The following CTSB variants were observed in gnomAD, a reference collection of about 807,000 sequenced individuals.
The protein encoded by CTSB is APP secretase.
Under a neutral mutation model 44.3 loss-of-function variants are expected in CTSB, and 57 were observed. That is an observed-to-expected ratio of 1.29 (90% CI 1.04 to 1.60). CTSB has a LOEUF of 1.60. Ranked by LOEUF, CTSB falls within the 40% of genes most tolerant of loss-of-function variation. CTSB has a pLI of 0.00. For missense variants in CTSB, 768 were observed against 443.0 expected (o/e 1.73, Z -6.59); for synonymous variants, 320 against 168.0 (o/e 1.91, Z -7.00).
At chr8:11,849,868 A>C (rs377467583) in intron 4 of CTSB, 3 of 152,158 alleles carry the variant, frequency 2.0e-5, no homozygotes, top group African/African-American at 4.8e-5. Flanking sequence ...GGCGTGAGCT[A>C]CCGTACCTGG....
In CTSB at chr8:11,865,567, G is replaced by A. The variant is rs554860819; in HGVS notation, c.-26+2434C>T. 7.2e-4 allele frequency: 108 copies of A among 150,750 alleles called. 1 individual carries two copies. The highest frequency in any genetic ancestry group is 2.6e-3 in the African/African-American group (107 of 40,768). 9.3% of individuals were successfully genotyped at this position (150,750 alleles called of 1,614,324 possible). Reference sequence around the variant, plus strand: ...CTTGCCACTGCACTCCAGCCTGGGTGAGAGAGTCAGACTCCACCTCAAAAA... The same window carrying A: ...CTTGCCACTGCACTCCAGCCTGGGTAAGAGAGTCAGACTCCACCTCAAAAA... On this transcript the variant is annotated intron_variant, in intron 1 of 9. Transcript: ENST00000353047.
intron 3 of CTSB, 124 bp from the exon 4 acceptor site, chr8:11,851,104 A>G (rs1195445744): frequency 3.7e-6 from 2 of 534,408 alleles, no homozygotes; most frequent in East Asian, 3.2e-5. Context: ...CATGCCGAAG[A>G]AGGCTGCAGA....
rs534192119 is a variant in CTSB at position 11,849,957 on chromosome 8, G to A, written c.328-793C>T. ...GTGATCCACTTGTATGAGGTCCCTA[G>A]GAGTCAAATTCATAGAGACAGAAAG... is the stretch of plus-strand genomic sequence containing the variant. On this transcript the variant is annotated intron_variant, in intron 4 of 9. Transcript: ENST00000353047. The A allele has an allele frequency of 1.1e-4, 17 of 152,440 alleles. No individual in the cohort carries two copies. The South Asian group carries it at 2.5e-3, about 22-fold the overall frequency. The allele number at this position is 152,440 out of a possible 1,614,324, so 9.4% of individuals were successfully genotyped here.
Position 11,847,068 on chromosome 8 carries a change from G to C in CTSB, c.777C>G (p.Phe259Leu). The change falls in exon 8 of 10, where the codon TTC (phenylalanine) becomes TTG (leucine). Residue 259 changes from phenylalanine (F) to leucine (L), a missense_variant. Physicochemically the swap from Phe to Leu is conservative, Grantham distance 22 (BLOSUM62 0). Coordinates refer to ENST00000353047, the MANE Select transcript of CTSB (RefSeq NM_001908.5). Reference sequence around the variant, plus strand: ...AGCACGCACCTGACTTGTAGAGCAGGAAGTCCGAATACACAGAGAAAGCTC... The same window carrying C: ...AGCACGCACCTGACTTGTAGAGCAGCAAGTCCGAATACACAGAGAAAGCTC... ...VEGAFSVYSDFLLYKSGVYQH... is the reference protein window; with the variant it reads ...VEGAFSVYSDLLLYKSGVYQH... The C allele has an allele frequency of 6.2e-7, 1 of 1,605,408 alleles. No homozygotes were observed. Among genetic ancestry groups the C allele is most frequent in the Non-Finnish European group, 8.5e-7 (1 of 1,172,078 alleles).
intron 5 of CTSB, chr8:11,848,720 T>C (rs1736090): frequency 0.57 from 167,210 of 293,404 alleles, 48,948 homozygotes; most frequent in Middle Eastern, 0.65. Flanking sequence ...CATAAGGAAA[T>C]GCCCCAAACT....
rs114981574 is a variant in CTSB, at chr8:11,847,857, C to T, written c.533-35G>A. 273 of 1,575,662 alleles carry T rather than the reference C, an allele frequency of 1.7e-4. No homozygotes were observed. In the African/African-American group the frequency reaches 3.4e-3, roughly 19 times the overall value. On this transcript the variant is annotated intron_variant, in intron 6 of 9. Transcript: ENST00000353047. Reference sequence around the variant, plus strand: ...CGCGGGAGAAAGCGGAGTCAACCTACAGCCCCCACGGAGAAGACCTGGGGC... The same window carrying T: ...CGCGGGAGAAAGCGGAGTCAACCTATAGCCCCCACGGAGAAGACCTGGGGC...
chr8:11,851,601 T>C (rs922079525), intron 3 of CTSB, among the ~76,000 whole-genome samples: 3 of 152,202 alleles, frequency 2.0e-5, no homozygotes, highest in African/African-American at 7.2e-5. Context: ...GTCCAGATAG[T>C]GTTTCTTGCC....
At chr8:11,859,204 C>T (rs1052273523) in intron 1 of CTSB, among the ~76,000 whole-genome samples, 2 of 152,098 alleles carry the variant, frequency 1.3e-5, no homozygotes, top group African/African-American at 4.8e-5. Flanking sequence ...TGAGAAAGCA[C>T]GCTCCACCCC....
intron 1 of CTSB, chr8:11,861,298 A>C (rs1311377072): frequency 6.6e-6 from 1 of 152,368 alleles, no homozygotes; most frequent in Admixed American, 6.5e-5. Flanking sequence ...AGTGATGCTC[A>C]CCAGCCTTGG....
rs1813224453 is a variant in CTSB, at chr8:11,845,872, C to T, written c.794-83G>A. 10 of 1,456,730 alleles carry T rather than the reference C, an allele frequency of 6.9e-6. No homozygotes were observed. In the South Asian group the frequency reaches 1.3e-4, roughly 19 times the overall value. 90.2% of individuals were successfully genotyped at this position (1,456,730 alleles called of 1,614,324 possible). A position where few individuals can be genotyped will look rare whatever the true frequency, so the allele number is the denominator to read the frequency against. Reference sequence around the variant, plus strand: ...CACCCCCCACACTCAGCTGGTCATGCTCCGGGAAGGAGAAACAGCTTCCAG... The same window carrying T: ...CACCCCCCACACTCAGCTGGTCATGTTCCGGGAAGGAGAAACAGCTTCCAG... On this transcript the variant is annotated intron_variant, in intron 8 of 9. Transcript: ENST00000353047.
rs573278579 is a variant in CTSB, at chr8:11,853,710, C to G, written c.-25-231G>C. 3 of 474,478 alleles carry G rather than the reference C, an allele frequency of 6.3e-6. No individual in the cohort carries two copies. In the East Asian group the frequency reaches 1.0e-4, roughly 17 times the overall value. The allele number at this position is 474,478 out of a possible 1,614,324, so 29.4% of individuals were successfully genotyped here. The stretch of plus-strand genomic sequence containing the variant: ...GGCGGCCAGAGCCCAGAGAGAGAGC[C>G]AAGGGGCTGTGCTGGACGAGACCGA... On this transcript the variant is annotated intron_variant, in intron 1 of 9. Transcript: ENST00000353047.
chr8:11,845,071 T>C lies in CTSB; in HGVS notation c.*54A>G. 1 of 1,179,510 alleles carries C rather than the reference T, an allele frequency of 8.5e-7. No individual in the cohort carries two copies. 73.1% of individuals were successfully genotyped at this position (1,179,510 alleles called of 1,614,324 possible). On this transcript the variant is annotated 3_prime_UTR_variant, in exon 10 of 10. Transcript: ENST00000353047. ...TCTTACGTGAACTTAAAGAATAAAA[T>C]GCATTTCTACCCCGATCTCGCCCCC...
In CTSB at chr8:11,845,844, C is replaced by T; in HGVS notation, c.794-55G>A. The T allele has an allele frequency of 2.0e-6, 3 of 1,533,844 alleles. No individual in the cohort carries two copies. In the South Asian group the frequency reaches 3.7e-5, roughly 19 times the overall value. On this transcript the variant is annotated intron_variant, in intron 8 of 9. Transcript: ENST00000353047. Reference sequence around the variant, plus strand: ...GACCGGGCCACTGTCCCACGCCCCACAGCACCCCCCACACTCAGCTGGTCA... The same window carrying T: ...GACCGGGCCACTGTCCCACGCCCCATAGCACCCCCCACACTCAGCTGGTCA...
intron 5 of CTSB, 167 bp from the exon 6 acceptor site, chr8:11,848,319 G>A (rs547052170): frequency 1.4e-6 from 1 of 699,922 alleles, no homozygotes; most frequent in South Asian, 1.5e-5. Flanking sequence ...ACGCTCCCTA[G>A]ATAAGCACAG....
chr8:11,852,138 T>C (rs1814704522), intron 3 of CTSB, among the ~76,000 whole-genome samples: 1 of 152,108 alleles, frequency 6.6e-6, no homozygotes, highest in South Asian at 2.1e-4. Context: ...GATGCCGAGT[T>C]GGGCAGATGA....
At chr8:11,853,105 A>G (rs1814893463) in intron 2 of CTSB, among the ~76,000 whole-genome samples, 1 of 152,224 alleles carries the variant, frequency 6.6e-6, no homozygotes, top group African/African-American at 2.4e-5. Context: ...GCACACAACC[A>G]TATATTCATA....
rs752205663 is a variant in CTSB at position 11,847,133 on chromosome 8, C to T, written c.712G>A (p.Asp238Asn). The change falls in exon 8 of 10, where the codon GAC (aspartate) becomes AAC (asparagine). Residue 238 changes from aspartate (D) to asparagine (N), a missense_variant. By Grantham distance (23) the Asp-to-Asn change is conservative. Transcript: ENST00000353047. ...NSYSVSNSEK[D>N]IMAEIYKNGP... ...TTTTTGTAGATCTCGGCCATGATGT[C>T]CTTCTCGCTATTGGAGACGCTGTAG... 3.5e-5 allele frequency: 57 copies of T among 1,605,828 alleles called. No homozygotes were observed. Among genetic ancestry groups the T allele is most frequent in the Non-Finnish European group, 4.6e-5 (54 of 1,176,292 alleles).
chr8:11,848,063 T>C lies in CTSB; in HGVS notation c.532+4A>G. ...CCAGAAAGTGGCCAAGGGGACACAC[T>C]TACCTACATGGGATTCATAGAGGCC... is the stretch of plus-strand genomic sequence containing the variant. On this transcript the variant is annotated splice_donor_region_variant and intron_variant, in intron 6 of 9. Transcript: ENST00000353047. The C allele has an allele frequency of 6.2e-7, 1 of 1,609,884 alleles. No homozygotes were observed. The highest frequency in any genetic ancestry group is 8.5e-7 in the Non-Finnish European group (1 of 1,177,080).
chr8:11,849,291 G>A lies in CTSB; in HGVS notation c.328-127C>T, dbSNP rs867829406. 20 of 612,526 alleles carry A rather than the reference G, an allele frequency of 3.3e-5. 1 individual carries two copies. In the South Asian group the frequency reaches 3.3e-4, roughly 10 times the overall value. The allele number at this position is 612,526 out of a possible 1,614,324, so 37.9% of individuals were successfully genotyped here. ...AACTGATCTCTCAACACCAGGGGAC[G>A]CTCCTGGGGCTCAAACTCAGCTTTT... On this transcript the variant is annotated intron_variant, in intron 4 of 9. Transcript: ENST00000353047.
Sources: gnomAD v4.1 joint callset for allele counts (sites outside exome capture counted in the v4.1 genomes callset) on GRCh38, gnomAD v4.1.1 for gene constraint, MANE v1.5 for transcripts, NCBI Gene and HGNC (gene_info 2026-07-23, HGNC 2026-07-21) for gene names.